Variants in ZGRF1 observed in about 807,000 individuals in gnomAD.
ZGRF1 encodes 5'-3' DNA helicase ZGRF1.
Under a neutral mutation model 203.5 loss-of-function variants are expected in ZGRF1, and 196 were observed. The observed-to-expected ratio is 0.96, with a 90% CI of 0.86 to 1.08. The LOEUF (loss-of-function observed/expected upper bound fraction) is 1.08, where lower values mean the gene tolerates loss of function less well. Ranked by LOEUF, ZGRF1 falls within the 50% of genes least tolerant of loss-of-function variation. ZGRF1 has a pLI of 0.00. For synonymous variants in ZGRF1, 809 were observed against 841.3 expected (o/e 0.96, Z 0.66); for missense variants, 2,326 against 2,416.3 (o/e 0.96, Z 0.78).
chr4:112,540,200 C>CA (rs1412876036), intron 26 of ZGRF1, 76 bp from the exon 27 acceptor site: 17 of 1,053,772 alleles, frequency 1.6e-5, no homozygotes, highest in African/African-American at 3.3e-5. Context: ...TCAAAGCAAC[C>CA]ACTGTAATTT....
chr4:112,601,813 G>T (rs1750030358), intron 10 of ZGRF1, among the ~76,000 whole-genome samples: 3 of 152,146 alleles, frequency 2.0e-5, no homozygotes, highest in Non-Finnish European at 4.4e-5. Flanking sequence ...TAAGGGTCAG[G>T]AAAGATATTT....
In ZGRF1 at chr4:112,619,587, GAA is replaced by G; in HGVS notation, c.453_454del (p.Pro153IlefsTer18). 6.2e-7 allele frequency: 1 copy of G among 1,613,854 alleles called. No individual in the cohort carries two copies. Among genetic ancestry groups the G allele is most frequent in the East Asian group, 2.2e-5 (1 of 44,872 alleles). On this transcript the variant is annotated frameshift_variant, in exon 6 of 28. Transcript: ENST00000505019. LOFTEE classifies it high-confidence loss of function. ...CAAAGGAGGCATGCTGCAGAATGGAGAAAAAATAGTAGGGCCAGTTTTCTTAG... is the reference window on the plus strand; with the variant it reads ...CAAAGGAGGCATGCTGCAGAATGGAGAAAATAGTAGGGCCAGTTTTCTTAG...
intron 22 of ZGRF1, among the ~76,000 whole-genome samples, chr4:112,551,352 T>C (rs918409706): frequency 1.3e-5 from 2 of 152,228 alleles, no homozygotes; most frequent in African/African-American, 4.8e-5. Context: ...GATATATGAC[T>C]GTACTTATTC....
chr4:112,633,297 A>G, intron 1 of ZGRF1, 55 bp from the exon 2 acceptor site: 1 of 815,380 alleles, frequency 1.2e-6, no homozygotes, highest in Non-Finnish European at 2.0e-6. Flanking sequence ...AATATCAAAT[A>G]TAATTTTTCT....
chr4:112,548,781 C>A (rs546973403), intron 22 of ZGRF1, among the ~76,000 whole-genome samples: 3 of 151,934 alleles, frequency 2.0e-5, no homozygotes, highest in African/African-American at 7.2e-5. Flanking sequence ...ACGAAATATT[C>A]TTTGCTTAAC....
chr4:112,593,987 T>G (rs1748586851), intron 10 of ZGRF1, among the ~76,000 whole-genome samples: 1 of 152,058 alleles, frequency 6.6e-6, no homozygotes, highest in Admixed American at 6.6e-5. Flanking sequence ...ACTCCTGGGC[T>G]CAAGCAATCC....
intron 16 of ZGRF1, among the ~76,000 whole-genome samples, chr4:112,575,209 T>C (rs1744924090): frequency 1.3e-5 from 2 of 152,236 alleles, no homozygotes; most frequent in African/African-American, 4.8e-5. Flanking sequence ...TGAATCAATA[T>C]ACTTACTTAT....
At chr4:112,630,039 A>G (rs2047356519) in intron 3 of ZGRF1, 1 of 173,498 alleles carries the variant, frequency 5.8e-6, no homozygotes, top group Non-Finnish European at 1.3e-5. Context: ...AAAAAAAAGC[A>G]CTTAGTTTTT....
intron 6 of ZGRF1, among the ~76,000 whole-genome samples, chr4:112,615,983 T>C (rs1426841054): frequency 6.6e-6 from 1 of 152,170 alleles, no homozygotes; most frequent in Non-Finnish European, 1.5e-5. Context: ...TCTTCAAACT[T>C]AACTACATTT....
intron 6 of ZGRF1, among the ~76,000 whole-genome samples, chr4:112,617,237 C>G (rs1348623502): frequency 6.6e-6 from 1 of 152,124 alleles, no homozygotes; most frequent in Non-Finnish European, 1.5e-5. Context: ...GTAGCTAATT[C>G]TGAAGGGTAG....
chr4:112,564,570 G>T (rs1469749670), intron 16 of ZGRF1, among the ~76,000 whole-genome samples: 3 of 152,004 alleles, frequency 2.0e-5, no homozygotes, highest in Non-Finnish European at 4.4e-5. Flanking sequence ...TTTCACAACG[G>T]TAACCTATAA....
chr4:112,584,690 T>C (rs926205164), intron 14 of ZGRF1, among the ~76,000 whole-genome samples: 6 of 152,214 alleles, frequency 3.9e-5, no homozygotes, highest in African/African-American at 9.6e-5. Flanking sequence ...TTAGTGGCTA[T>C]ATTTTAGTCC....
chr4:112,558,809 A>C (rs1560757434), intron 19 of ZGRF1, among the ~76,000 whole-genome samples: 1 of 152,252 alleles, frequency 6.6e-6, no homozygotes, highest in Non-Finnish European at 1.5e-5. Flanking sequence ...TTTTAATGAG[A>C]CCAGCGCCTA....
At position 112,581,769 on chromosome 4, in the gene ZGRF1, G is replaced by A. The variant is rs2148994966; in HGVS notation, c.4332C>T (p.Gly1444=). The A allele has an allele frequency of 6.7e-7, 1 of 1,485,498 alleles. No individual in the cohort carries two copies. The highest frequency in any genetic ancestry group is 2.5e-5 in the East Asian group (1 of 39,448). 92.0% of individuals were successfully genotyped at this position (1,485,498 alleles called of 1,614,324 possible). ...KGFDFQRKQY[G]KLKKFTTVNP... Reference sequence around the variant, plus strand: ...TTACAGTAGTAAACTTCTTTAGTTTGCCATACTGTTTTCTCTGAAAATCAA... The same window carrying A: ...TTACAGTAGTAAACTTCTTTAGTTTACCATACTGTTTTCTCTGAAAATCAA... Residue 1444 remains glycine (G), a synonymous_variant, in exon 16 of 28, where the codon GGC becomes GGT. Coordinates refer to ENST00000505019, the MANE Select transcript of ZGRF1 (RefSeq NM_018392.5).
At chr4:112,545,082 CAAT>C (rs1738483329) in intron 24 of ZGRF1, among the ~76,000 whole-genome samples, 1 of 151,776 alleles carries the variant, frequency 6.6e-6, no homozygotes, top group Non-Finnish European at 1.5e-5. Flanking sequence ...TTGGATTTGG[CAAT>C]AATTTCATAC....
At chr4:112,573,808 AAG>A (rs1299805773) in intron 16 of ZGRF1, among the ~76,000 whole-genome samples, 1 of 152,148 alleles carries the variant, frequency 6.6e-6, no homozygotes, top group African/African-American at 2.4e-5. Flanking sequence ...ATAATCAACA[AAG>A]AATATGAAGA....
intron 4 of ZGRF1, among the ~76,000 whole-genome samples, chr4:112,620,472 G>A (rs1336701405): frequency 1.3e-5 from 2 of 152,168 alleles, no homozygotes; most frequent in Non-Finnish European, 2.9e-5. Context: ...GCAAGACTTT[G>A]GGAGACCAAG....
At position 112,615,633 on chromosome 4, in the gene ZGRF1, C is replaced by CT. The variant is rs1190163561; in HGVS notation, c.2602+1806dup. Among the ~76,000 whole-genome samples the CT allele has an allele frequency of 9.9e-3, 1,381 of 139,102 alleles. 13 individuals carry two copies. The highest frequency in any genetic ancestry group is 0.014 in the Middle Eastern group (4 of 278). 91.3% of individuals were successfully genotyped at this position (139,102 alleles called of 152,430 possible). On this transcript the variant is annotated intron_variant, in intron 6 of 27. Transcript: ENST00000505019. ...ATTTATTTTTCATTAAAGCTTTTTA[C>CT]TTTTTTTTTTTTTTTTAAGATGGGA...
At chr4:112,622,176 C>T (rs2047082340) in intron 4 of ZGRF1, among the ~76,000 whole-genome samples, 1 of 151,706 alleles carries the variant, frequency 6.6e-6, no homozygotes, top group South Asian at 2.1e-4. Flanking sequence ...ATATTATGGC[C>T]AAAAATCAAC....
Sources: gnomAD v4.1 joint callset for allele counts (sites outside exome capture counted in the v4.1 genomes callset) on GRCh38, gnomAD v4.1.1 for gene constraint, MANE v1.5 for transcripts, NCBI Gene and HGNC (gene_info 2026-07-23, HGNC 2026-07-21) for gene names.